The following LIPI variants were observed in gnomAD, a reference collection of about 807,000 sequenced individuals.
LIPI encodes the protein lipase I.
LIPI carries 59 observed loss-of-function variants against 50.6 expected under a neutral mutation model. The ratio of observed to expected loss-of-function variants is 1.16; its 90% CI spans 0.94 to 1.45. The LOEUF (loss-of-function observed/expected upper bound fraction) is 1.45, where lower values mean the gene tolerates loss of function less well. LIPI is among the 40% of genes most tolerant of loss of function. The pLI is 0.00. For missense variants in LIPI, 586 were observed against 536.3 expected (o/e 1.09, Z -0.92); for synonymous variants, 203 against 178.2 (o/e 1.14, Z -1.11).
At chr21:14,136,469 G>A (rs1193050967) in intron 9 of LIPI, among the ~76,000 whole-genome samples, 1 of 152,178 alleles carries the variant, frequency 6.6e-6, no homozygotes, top group Non-Finnish European at 1.5e-5. Flanking sequence ...CCTATGGGGT[G>A]AGGCTCCCCT....
At chr21:14,190,732 G>A (rs2123288055) in intron 1 of LIPI, among the ~76,000 whole-genome samples, 1 of 152,306 alleles carries the variant, frequency 6.6e-6, no homozygotes, top group East Asian at 1.9e-4. Flanking sequence ...GAATGAGGAA[G>A]AGAAATATAT....
chr21:14,180,769 G>A (rs435506), intron 4 of LIPI, among the ~76,000 whole-genome samples: 76,977 of 151,990 alleles, frequency 0.51, 19,953 homozygotes, highest in Non-Finnish European at 0.56. Context: ...TGGAGTCTCA[G>A]TCTATTGACA....
At chr21:14,138,256 A>T (rs1033661263) in intron 9 of LIPI, among the ~76,000 whole-genome samples, 1 of 151,876 alleles carries the variant, frequency 6.6e-6, no homozygotes, top group African/African-American at 2.4e-5. Context: ...CAAGTAATAT[A>T]ACAGGATAGA....
intron 1 of LIPI, among the ~76,000 whole-genome samples, chr21:14,195,853 G>A (rs61375883): frequency 4.3e-4 from 66 of 152,060 alleles, no homozygotes; most frequent in African/African-American, 1.4e-3. Flanking sequence ...AATAATACTC[G>A]ACATCACTAG....
At chr21:14,193,973 G>A (rs1381549672) in intron 1 of LIPI, among the ~76,000 whole-genome samples, 1 of 151,732 alleles carries the variant, frequency 6.6e-6, no homozygotes, top group Non-Finnish European at 1.5e-5. Context: ...ATTAAAACTG[G>A]GCAAAGACTT....
intron 1 of LIPI, among the ~76,000 whole-genome samples, chr21:14,204,628 C>T (rs1393840413): frequency 6.6e-6 from 1 of 151,528 alleles, no homozygotes; most frequent in Non-Finnish European, 1.5e-5. Flanking sequence ...TGAAACAGAA[C>T]CAAAAATAGT....
chr21:14,114,599 T>C (rs1053257258), intron 9 of LIPI, among the ~76,000 whole-genome samples: 25 of 152,066 alleles, frequency 1.6e-4, no homozygotes, highest in African/African-American at 5.6e-4. Context: ...TCCCCGAAAC[T>C]TCAACATGTA....
chr21:14,140,116 C>G (rs899806678), intron 9 of LIPI, among the ~76,000 whole-genome samples: 1 of 152,016 alleles, frequency 6.6e-6, no homozygotes, highest in Non-Finnish European at 1.5e-5. Flanking sequence ...TATAGGACAA[C>G]AAATTATAGG....
intron 9 of LIPI, among the ~76,000 whole-genome samples, chr21:14,134,748 A>G (rs2017427497): frequency 6.6e-6 from 1 of 152,190 alleles, no homozygotes. Flanking sequence ...AGGCAGAATA[A>G]TGAAACTGGA....
chr21:14,177,682 G>A (rs1280435087), intron 4 of LIPI, among the ~76,000 whole-genome samples: 1 of 152,032 alleles, frequency 6.6e-6, no homozygotes, highest in African/African-American at 2.4e-5. Flanking sequence ...AACACAGAAA[G>A]CTGGAAATTC....
At chr21:14,128,770 G>A (rs959905737) in intron 9 of LIPI, among the ~76,000 whole-genome samples, 20 of 152,110 alleles carry the variant, frequency 1.3e-4, no homozygotes, top group African/African-American at 4.8e-4. Flanking sequence ...TCACTTTGGG[G>A]CAGATAACTC....
At chr21:14,115,336 C>A (rs1010672676) in intron 9 of LIPI, among the ~76,000 whole-genome samples, 2 of 152,118 alleles carry the variant, frequency 1.3e-5, no homozygotes, top group African/African-American at 4.8e-5. Flanking sequence ...GATCAACTGC[C>A]TTTTTTCTCG....
chr21:14,170,524 G>A (rs2123188287), intron 4 of LIPI, among the ~76,000 whole-genome samples: 1 of 152,292 alleles, frequency 6.6e-6, no homozygotes, highest in Admixed American at 6.5e-5. Flanking sequence ...CCATGATCAA[G>A]TGGGCTTCAT....
intron 1 of LIPI, among the ~76,000 whole-genome samples, chr21:14,191,205 C>T (rs932651085): frequency 8.6e-5 from 13 of 151,472 alleles, no homozygotes; most frequent in African/African-American, 2.7e-4. Flanking sequence ...GGTGAAACCC[C>T]GTCTCTACTA....
At position 14,189,063 on chromosome 21, in the gene LIPI, T is replaced by C. The variant is rs756491211; in HGVS notation, c.403A>G (p.Ser135Gly). ...AGATTTTTAATGTGCACACTCAAAC[T>C]CACAGCAACTTTTCTGGTGTTTTTA... is the stretch of plus-strand genomic sequence containing the variant. ...AVKNTRKVAVSLSVHIKNLLK... is the reference protein window; with the variant it reads ...AVKNTRKVAVGLSVHIKNLLK... Residue 135 changes from serine (S) to glycine (G), a missense_variant, in exon 2 of 10, where the codon AGT (serine) becomes GGT (glycine). Coordinates refer to ENST00000681601, the MANE Select transcript of LIPI (RefSeq NM_001302998.2). The C allele has an allele frequency of 1.3e-4, 210 of 1,608,172 alleles. No homozygotes were observed. Among genetic ancestry groups the C allele is most frequent in the Non-Finnish European group, 1.7e-4 (196 of 1,179,904 alleles).
intron 9 of LIPI, among the ~76,000 whole-genome samples, chr21:14,123,388 A>G (rs547391278): frequency 6.6e-6 from 1 of 152,316 alleles, no homozygotes; most frequent in African/African-American, 2.4e-5. Context: ...GGAGAGCACC[A>G]TCAGGACTAT....
At chr21:14,203,048 G>T (rs573725512) in intron 1 of LIPI, among the ~76,000 whole-genome samples, 1 of 152,252 alleles carries the variant, frequency 6.6e-6, no homozygotes, top group African/African-American at 2.4e-5. Flanking sequence ...CTTCTCAAAA[G>T]AAGACATTTA....
intron 9 of LIPI, among the ~76,000 whole-genome samples, chr21:14,138,084 A>T (rs1190664656): frequency 4.6e-5 from 7 of 152,210 alleles, no homozygotes; most frequent in African/African-American, 1.7e-4. Flanking sequence ...CATTGATACC[A>T]GACCGTATTG....
intron 7 of LIPI, among the ~76,000 whole-genome samples, chr21:14,156,135 C>G (rs1189356006): frequency 1.3e-5 from 2 of 151,912 alleles, no homozygotes; most frequent in South Asian, 4.1e-4. Context: ...GTAGGCCTCC[C>G]CAAATATATC....
Sources: gnomAD v4.1 joint callset for allele counts (sites outside exome capture counted in the v4.1 genomes callset) on GRCh38, gnomAD v4.1.1 for gene constraint, MANE v1.5 for transcripts, NCBI Gene and HGNC (gene_info 2026-07-23, HGNC 2026-07-21) for gene names.